ZNF680: variants seen among roughly 807,000 people sequenced by gnomAD.
The protein encoded by ZNF680 is zinc finger protein 680.
ZNF680 carries 6 observed loss-of-function variants against 12.1 expected under a neutral mutation model. The ratio of observed to expected loss-of-function variants is 0.49; its 90% confidence interval spans 0.27 to 0.98. The LOEUF (loss-of-function observed/expected upper bound fraction) is 0.98. Ranked by LOEUF, ZNF680 falls within the 50% of genes least tolerant of loss-of-function variation. The pLI, the probability that ZNF680 is intolerant of heterozygous loss-of-function variation, is 0.12. For synonymous variants in ZNF680, 170 were observed against 199.3 expected (o/e 0.85, Z 1.24); for missense variants, 561 against 616.3 (o/e 0.91, Z 0.95).
intron 3 of ZNF680, among the ~76,000 whole-genome samples, chr7:64,538,073 T>G (rs766621305): frequency 6.6e-6 from 1 of 152,006 alleles, no homozygotes; most frequent in Non-Finnish European, 1.5e-5. Flanking sequence ...AACGTTGAAA[T>G]CAGGTTATCT....
chr7:64,534,469 C>T (rs1786051710), intron 3 of ZNF680, among the ~76,000 whole-genome samples: 1 of 152,150 alleles, frequency 6.6e-6, no homozygotes, highest in South Asian at 2.1e-4. Context: ...GCAGTACCAC[C>T]TTACTTTTGC....
intron 3 of ZNF680, among the ~76,000 whole-genome samples, chr7:64,536,732 C>T (rs1389069961): frequency 6.6e-6 from 1 of 152,216 alleles, no homozygotes; most frequent in Non-Finnish European, 1.5e-5. Context: ...TTCTTATTTG[C>T]ACCTAGTGTA....
intron 3 of ZNF680, among the ~76,000 whole-genome samples, chr7:64,543,378 C>G (rs755010356): frequency 6.6e-5 from 10 of 152,100 alleles, no homozygotes; most frequent in Non-Finnish European, 1.2e-4. Flanking sequence ...TAAAAAATAA[C>G]AGTTTCTCAA....
At chr7:64,511,011 C>G in the ZNF680 span, among the ~76,000 whole-genome samples, 1 of 151,378 alleles carries the variant, frequency 6.6e-6, no homozygotes. Flanking sequence ...GTGGCTCATG[C>G]CTGTAATCCC....
At chr7:64,515,040 TCACACACACACACA>T (rs60936039), downstream of ZNF680, among the ~76,000 whole-genome samples, 21 of 149,190 alleles carry the variant, frequency 1.4e-4, no homozygotes, top group South Asian at 4.3e-4. Flanking sequence ...CAAAACTCTG[TCACACACACACACA>T]CACACACACA....
downstream of ZNF680, among the ~76,000 whole-genome samples, chr7:64,518,514 A>T (rs7786115): frequency 0.68 from 102,825 of 151,762 alleles, 35,824 homozygotes; most frequent in African/African-American, 0.85. Flanking sequence ...ATCTAGAAAT[A>T]CAATGTAGCT....
chr7:64,562,983 G>A lies in ZNF680; in HGVS notation c.-29C>T, dbSNP rs1186641618. On this transcript the variant is annotated 5_prime_UTR_variant, in exon 1 of 4. Coordinates refer to ENST00000309683, the MANE Select transcript of ZNF680 (RefSeq NM_178558.5). ...AGCTGTGCATCTCCCAATACCTGCA[G>A]ATAACGGAGTCACAGAGGCTGGGCC... 6.2e-7 allele frequency: 1 copy of A among 1,613,208 alleles called. No individual in the cohort carries two copies. The highest frequency in any genetic ancestry group is 1.7e-5 in the Admixed American group (1 of 59,984).
At chr7:64,509,749 C>T in the ZNF680 span, among the ~76,000 whole-genome samples, 2 of 151,976 alleles carry the variant, frequency 1.3e-5, no homozygotes, top group African/African-American at 4.8e-5. Flanking sequence ...TAAATCCTGC[C>T]GACTAGCTTC....
intron 1 of ZNF680, among the ~76,000 whole-genome samples, chr7:64,557,853 G>A (rs573786981): frequency 6.6e-6 from 1 of 152,226 alleles, no homozygotes; most frequent in African/African-American, 2.4e-5. Flanking sequence ...CACAGGCCTA[G>A]TTGAGGGTGG....
intron 3 of ZNF680, among the ~76,000 whole-genome samples, chr7:64,541,044 C>T (rs1584381497): frequency 6.6e-6 from 1 of 152,046 alleles, no homozygotes; most frequent in Non-Finnish European, 1.5e-5. Context: ...ACTTTAGAAG[C>T]AAAACAATAG....
At chr7:64,510,827 G>A in the ZNF680 span, among the ~76,000 whole-genome samples, 4 of 124,556 alleles carry the variant, frequency 3.2e-5, no homozygotes, top group Non-Finnish European at 5.1e-5. Flanking sequence ...GGAGAATGGC[G>A]TGAACCCGGG....
chr7:64,521,202 A>G lies in ZNF680; in HGVS notation c.1552T>C (p.Tyr518His), dbSNP rs1791507796. ...TTATTGTCACATTTTTCAGGTTTGT[A>G]GAGTTTCTCACCAGTATGAATTTTC... ...HKKIHTGEKL[Y>H]KPEKCDNNFD... is the part of the protein sequence containing the mutation. Residue 518 changes from tyrosine (Y) to histidine (H), a missense_variant, in exon 4 of 4, where the codon TAC becomes CAC. Tyr to His is a moderately conservative substitution (Grantham distance 83). Coordinates refer to ENST00000309683, the MANE Select transcript of ZNF680 (RefSeq NM_178558.5). 6.2e-7 allele frequency: 1 copy of G among 1,612,568 alleles called. No individual in the cohort carries two copies. The highest frequency in any genetic ancestry group is 8.5e-7 in the Non-Finnish European group (1 of 1,179,236).
Position 64,551,691 on chromosome 7 carries a change from C to T in ZNF680, c.31-7259G>A, listed in dbSNP as rs1354913376. The T allele has an allele frequency of 1.9e-5, 3 of 153,962 alleles. No homozygotes were observed. In the Admixed American group the frequency reaches 2.0e-4, roughly 10 times the overall value. The allele number at this position is 153,962 out of a possible 1,614,324, so 9.5% of individuals were successfully genotyped here. On this transcript the variant is annotated intron_variant, in intron 1 of 3. Coordinates refer to ENST00000309683, the MANE Select transcript of ZNF680 (RefSeq NM_178558.5). ...CCAAGAGTTCCATTGTGACAGCCCA[C>T]CTCATTCACAGACACTGTGAAATGC...
At chr7:64,500,948 A>G in the ZNF680 span, 3 of 646,880 alleles carry the variant, frequency 4.6e-6, no homozygotes, top group African/African-American at 5.4e-5. Context: ...GATGTGCAGC[A>G]AAATTGTGGG....
In ZNF680 at chr7:64,562,045, C is replaced by T. The variant is rs1787773351; in HGVS notation, c.30+880G>A. On this transcript the variant is annotated intron_variant, in intron 1 of 3. Coordinates refer to ENST00000309683, the MANE Select transcript of ZNF680 (RefSeq NM_178558.5). ...GTCAGGAGTTCAAGACCAGCCTGTCCAACATGGTGAAACCCGTCTCTACTA... is the reference window on the plus strand; with the variant it reads ...GTCAGGAGTTCAAGACCAGCCTGTCTAACATGGTGAAACCCGTCTCTACTA... 2.0e-5 allele frequency among the ~76,000 whole-genome samples: 3 copies of T among 150,334 alleles called. No homozygotes were observed. In the Admixed American group the frequency reaches 2.0e-4, roughly 10 times the overall value.
downstream of ZNF680, among the ~76,000 whole-genome samples, chr7:64,518,921 A>G (rs1303968924): frequency 6.6e-6 from 1 of 152,118 alleles, no homozygotes; most frequent in African/African-American, 2.4e-5. Context: ...ACGTTTCTAG[A>G]CATTTGCTTA....
At chr7:64,535,221 CT>C (rs147349593) in intron 3 of ZNF680, among the ~76,000 whole-genome samples, 41 of 152,138 alleles carry the variant, frequency 2.7e-4, no homozygotes, top group African/African-American at 9.6e-4. Context: ...AAAAAACTAA[CT>C]GGATGTGATG....
intron 3 of ZNF680, among the ~76,000 whole-genome samples, chr7:64,523,633 G>T (rs1791663382): frequency 6.6e-6 from 1 of 151,988 alleles, no homozygotes; most frequent in African/African-American, 2.4e-5. Context: ...GAATTTTAAG[G>T]CCGGGCGTGG....
chr7:64,559,628 C>G (rs974975528), intron 1 of ZNF680, among the ~76,000 whole-genome samples: 3 of 151,794 alleles, frequency 2.0e-5, no homozygotes, highest in Non-Finnish European at 4.4e-5. Context: ...TTACAGGTGC[C>G]CACTACCACA....
Sources: gnomAD v4.1 joint callset for allele counts (sites outside exome capture counted in the v4.1 genomes callset) on GRCh38, gnomAD v4.1.1 for gene constraint, MANE v1.5 for transcripts, NCBI Gene and HGNC (gene_info 2026-07-23, HGNC 2026-07-21) for gene names.